DSCAM: variants seen among roughly 807,000 people sequenced by gnomAD.
DSCAM encodes cell adhesion molecule DSCAM.
Under a neutral mutation model 217.7 loss-of-function variants are expected in DSCAM, and 47 were observed. The ratio of observed to expected loss-of-function variants is 0.22; its 90% CI spans 0.17 to 0.28. DSCAM has a LOEUF of 0.28. Ranked by LOEUF, DSCAM falls within the 10% of genes least tolerant of loss-of-function variation. The probability of loss-of-function intolerance (pLI) is 1.00; values close to 1 mark genes in which losing one functional copy is unlikely to be tolerated. For synonymous variants in DSCAM, 1,056 were observed against 1,015.3 expected, an observed-to-expected ratio of 1.04 and a Z score of -0.76; for missense variants, 2,080 against 2,618.3, an observed-to-expected ratio of 0.79 and a Z score of 4.49.
At chr21:40,841,637 G>T (rs1382911368) in intron 1 of DSCAM, among the ~76,000 whole-genome samples, 1 of 152,078 alleles carries the variant, frequency 6.6e-6, no homozygotes, top group African/African-American at 2.4e-5. Flanking sequence ...GAGCGGGCAC[G>T]TCAGCATCAC....
intron 1 of DSCAM, among the ~76,000 whole-genome samples, chr21:40,760,166 G>T (rs1356694036): frequency 6.6e-6 from 1 of 151,572 alleles, no homozygotes; most frequent in Non-Finnish European, 1.5e-5. Context: ...GCTAATTTTT[G>T]AAATTTTTTT....
chr21:40,255,117 C>A (rs948780229), intron 11 of DSCAM, among the ~76,000 whole-genome samples: 1 of 151,924 alleles, frequency 6.6e-6, no homozygotes, highest in East Asian at 1.9e-4. Flanking sequence ...ATTGAGGAGA[C>A]GACTCCATTT....
chr21:40,108,007 C>T (rs2089843790), intron 20 of DSCAM, among the ~76,000 whole-genome samples: 2 of 152,098 alleles, frequency 1.3e-5, no homozygotes, highest in South Asian at 4.1e-4. Context: ...TGAAGGAACA[C>T]ACCTCAAAGT....
intron 18 of DSCAM, among the ~76,000 whole-genome samples, chr21:40,138,639 C>T (rs536963898): frequency 9.3e-4 from 39 of 42,134 alleles, no homozygotes; most frequent in African/African-American, 2.6e-3. Flanking sequence ...ATGTGGGGTA[C>T]GTGTGTGTGG....
intron 3 of DSCAM, among the ~76,000 whole-genome samples, chr21:40,405,948 G>A (rs2075276185): frequency 6.6e-6 from 1 of 152,216 alleles, no homozygotes; most frequent in Non-Finnish European, 1.5e-5. Flanking sequence ...AGCGAGCCGA[G>A]ATTGCACCAC....
At chr21:40,596,358 G>C (rs954494263) in intron 3 of DSCAM, among the ~76,000 whole-genome samples, 1 of 152,212 alleles carries the variant, frequency 6.6e-6, no homozygotes, top group African/African-American at 2.4e-5. Flanking sequence ...AAGCATATTA[G>C]AGCCCATATT....
At chr21:40,231,010 CTT>C (rs372643343) in intron 11 of DSCAM, among the ~76,000 whole-genome samples, 5 of 137,620 alleles carry the variant, frequency 3.6e-5, no homozygotes, top group Non-Finnish European at 4.7e-5. Flanking sequence ...CTCGATTATG[CTT>C]TTTTTTTTTT....
intron 3 of DSCAM, among the ~76,000 whole-genome samples, chr21:40,409,524 G>C (rs1354502715): frequency 3.3e-5 from 5 of 152,158 alleles, no homozygotes; most frequent in Admixed American, 6.5e-5. Context: ...GAATCCTAGT[G>C]AGAGGTGGAC....
chr21:40,195,755 C>G (rs980679457), intron 11 of DSCAM, among the ~76,000 whole-genome samples: 1 of 152,158 alleles, frequency 6.6e-6, no homozygotes, highest in Non-Finnish European at 1.5e-5. Flanking sequence ...TACAGGGTTC[C>G]CGGGTGGGAG....
intron 2 of DSCAM, among the ~76,000 whole-genome samples, chr21:40,694,457 G>T (rs892940150): frequency 3.9e-5 from 6 of 152,172 alleles, no homozygotes; most frequent in Admixed American, 2.0e-4. Context: ...CTTTAGAAGA[G>T]GACTGTTAAG....
At chr21:40,544,518 C>T (rs2076566351) in intron 3 of DSCAM, among the ~76,000 whole-genome samples, 1 of 151,914 alleles carries the variant, frequency 6.6e-6, no homozygotes, top group Non-Finnish European at 1.5e-5. Context: ...AGAGAAGAAC[C>T]CCCTGCGAAG....
At chr21:40,328,752 G>A (rs1032795533) in intron 8 of DSCAM, among the ~76,000 whole-genome samples, 1 of 152,072 alleles carries the variant, frequency 6.6e-6, no homozygotes, top group Non-Finnish European at 1.5e-5. Context: ...TCTGATAAAA[G>A]GTTACTATCC....
chr21:40,371,433 AAAG>A lies in DSCAM; in HGVS notation c.509-2191_509-2189del, dbSNP rs199841436. 1.3e-3 allele frequency among the ~76,000 whole-genome samples: 189 copies of A among 151,180 alleles called. 2 individuals carry two copies. Among genetic ancestry groups the A allele is most frequent in the African/African-American group, 4.1e-3 (168 of 40,754 alleles). On this transcript the variant is annotated intron_variant, in intron 3 of 32. Transcript: ENST00000400454. The stretch of plus-strand genomic sequence containing the variant: ...ACAGAAAGGAAAGTCAAAAAAAAAA[AAAG>A]ATGATGTATGTAATTCCTGTCACCT...
intron 3 of DSCAM, among the ~76,000 whole-genome samples, chr21:40,672,354 G>A (rs1258478990): frequency 1.3e-5 from 2 of 151,924 alleles, no homozygotes; most frequent in Non-Finnish European, 1.5e-5. Flanking sequence ...TGCTATATCC[G>A]GAGTTGGAAG....
intron 14 of DSCAM, among the ~76,000 whole-genome samples, chr21:40,181,837 G>A (rs1473708487): frequency 6.6e-6 from 1 of 152,020 alleles, no homozygotes; most frequent in East Asian, 1.9e-4. Context: ...GGGCTGTATA[G>A]GCTCGGAGTT....
At chr21:40,340,809 T>C (rs552934890) in intron 6 of DSCAM, among the ~76,000 whole-genome samples, 2 of 152,182 alleles carry the variant, frequency 1.3e-5, no homozygotes, top group African/African-American at 4.8e-5. Flanking sequence ...AAAATTAGGA[T>C]AGCTTGCAAT....
chr21:40,544,138 G>A (rs1476026864), intron 3 of DSCAM, among the ~76,000 whole-genome samples: 2 of 152,112 alleles, frequency 1.3e-5, no homozygotes, highest in Non-Finnish European at 2.9e-5. Flanking sequence ...CAGGGGAGAA[G>A]CTTCATAATA....
intron 3 of DSCAM, among the ~76,000 whole-genome samples, chr21:40,482,486 A>G (rs993892232): frequency 2.0e-5 from 3 of 152,170 alleles, no homozygotes; most frequent in Non-Finnish European, 2.9e-5. Context: ...AGAATTTTTC[A>G]GAATTTTTAC....
intron 3 of DSCAM, among the ~76,000 whole-genome samples, chr21:40,537,606 C>T (rs529330897): frequency 5.3e-5 from 8 of 152,016 alleles, no homozygotes; most frequent in South Asian, 2.1e-4. Context: ...TAGAGTAGGA[C>T]GGGTCCTTAA....
Sources: allele counts gnomAD v4.1 joint callset (sites outside exome capture counted in the v4.1 genomes callset), GRCh38; gene constraint gnomAD v4.1.1; transcripts MANE v1.5; gene names NCBI Gene and HGNC (gene_info 2026-07-23, HGNC 2026-07-21).